PRKCB: variants seen among roughly 807,000 people sequenced by gnomAD.
PRKCB encodes protein kinase C beta.
In PRKCB, 13 loss-of-function variants were observed where a neutral mutation model predicts 81.5. That is an observed-to-expected ratio of 0.16 (90% CI 0.10 to 0.25). The LOEUF is 0.25. Among genes scored for constraint, PRKCB ranks in the 10% least tolerant of loss-of-function variants. The pLI is 1.00. For missense variants in PRKCB, 509 were observed against 875.7 expected (o/e 0.58, Z 5.29); for synonymous variants, 335 against 321.4 (o/e 1.04, Z -0.45).
chr16:23,925,345 C>T (rs759841702), intron 2 of PRKCB, among the ~76,000 whole-genome samples: 1 of 152,060 alleles, frequency 6.6e-6, no homozygotes, highest in Non-Finnish European at 1.5e-5. Flanking sequence ...GCAGGACTTG[C>T]CCATTGGGGC....
chr16:24,045,476 C>T (rs6497714), intron 5 of PRKCB, among the ~76,000 whole-genome samples: 26,369 of 152,172 alleles, frequency 0.17, 2,621 homozygotes, highest in African/African-American at 0.27. Flanking sequence ...CTGTGCCTCT[C>T]GCCTGGCAGG....
intron 5 of PRKCB, among the ~76,000 whole-genome samples, chr16:24,079,454 C>A (rs1401434657): frequency 6.6e-6 from 1 of 152,160 alleles, no homozygotes; most frequent in East Asian, 1.9e-4. Flanking sequence ...ACAATGATTT[C>A]TTTCTCTCAG....
chr16:24,192,372 A>G (rs564356771), intron 16 of PRKCB, among the ~76,000 whole-genome samples: 2 of 152,328 alleles, frequency 1.3e-5, no homozygotes, highest in East Asian at 3.9e-4. Context: ...TCCTTAAGAT[A>G]ACATCTGTGT....
intron 10 of PRKCB, among the ~76,000 whole-genome samples, chr16:24,169,095 A>T (rs1967397785): frequency 6.6e-6 from 1 of 152,048 alleles, no homozygotes. Flanking sequence ...CTCATTTTAT[A>T]AATGAAGATA....
At chr16:24,209,265 A>G (rs1309639032) in intron 16 of PRKCB, among the ~76,000 whole-genome samples, 1 of 152,110 alleles carries the variant, frequency 6.6e-6, no homozygotes, top group Non-Finnish European at 1.5e-5. Flanking sequence ...ATGCCATACC[A>G]GCAGTCCCTG....
chr16:23,990,384 G>T (rs1036558334), intron 3 of PRKCB, among the ~76,000 whole-genome samples: 1 of 151,854 alleles, frequency 6.6e-6, no homozygotes, highest in African/African-American at 2.4e-5. Flanking sequence ...CGTGAACCTG[G>T]GAGGCAGAGC....
At position 24,035,564 on chromosome 16, in the gene PRKCB, C is replaced by T; in HGVS notation, c.529+17C>T. 1 of 1,610,992 alleles carries T rather than the reference C, an allele frequency of 6.2e-7. No homozygotes were observed. The highest frequency in any genetic ancestry group is 1.1e-5 in the South Asian group (1 of 90,616). ...TTGTCCTCGGTAGGTGGCCCTGGGG[C>T]TCCACTGGCTCCTGACCTTGCTTGA... On this transcript the variant is annotated intron_variant, in intron 5 of 16. Coordinates refer to ENST00000643927, the MANE Select transcript of PRKCB (RefSeq NM_002738.7).
At position 24,181,644 on chromosome 16, in the gene PRKCB, G is replaced by A. The variant is rs916531722; in HGVS notation, c.1533+716G>A. ...TAGCCGGGTGTGGTGGCACATGCCTGTAGTCCCAGCTACTTGGGAGGCTGA... is the reference window on the plus strand; with the variant it reads ...TAGCCGGGTGTGGTGGCACATGCCTATAGTCCCAGCTACTTGGGAGGCTGA... On this transcript the variant is annotated intron_variant, in intron 13 of 16. Transcript: ENST00000643927. Among the ~76,000 whole-genome samples, 4 of 151,974 alleles carry A rather than the reference G, an allele frequency of 2.6e-5. No homozygotes were observed. In the South Asian group the frequency reaches 8.3e-4, roughly 32 times the overall value.
intron 2 of PRKCB, among the ~76,000 whole-genome samples, chr16:23,971,320 G>T (rs1964553169): frequency 6.6e-6 from 1 of 152,156 alleles, no homozygotes; most frequent in Non-Finnish European, 1.5e-5. Flanking sequence ...TTGGGGTTTG[G>T]TTTACAAGTG....
chr16:24,125,256 T>C (rs574047872), intron 9 of PRKCB, among the ~76,000 whole-genome samples: 1 of 152,358 alleles, frequency 6.6e-6, no homozygotes, highest in South Asian at 2.1e-4. Context: ...CCAATGACTT[T>C]CCATCCAATT....
chr16:24,010,360 A>G (rs1275688378), intron 3 of PRKCB, among the ~76,000 whole-genome samples: 2 of 152,218 alleles, frequency 1.3e-5, no homozygotes, highest in Non-Finnish European at 2.9e-5. Flanking sequence ...AAGAATTACA[A>G]CTGTGGTGTA....
intron 2 of PRKCB, among the ~76,000 whole-genome samples, chr16:23,953,407 G>A (rs911281825): frequency 6.6e-6 from 1 of 152,160 alleles, no homozygotes; most frequent in Non-Finnish European, 1.5e-5. Flanking sequence ...CAGGTTAGCC[G>A]GGCATCAGCT....
chr16:24,140,986 G>A (rs997807249), intron 9 of PRKCB, among the ~76,000 whole-genome samples: 10 of 152,146 alleles, frequency 6.6e-5, no homozygotes, highest in Non-Finnish European at 1.5e-4. Context: ...GCAAGATGAG[G>A]ATTGGTTAGA....
At chr16:23,953,342 G>A (rs918628848) in intron 2 of PRKCB, among the ~76,000 whole-genome samples, 1 of 152,280 alleles carries the variant, frequency 6.6e-6, no homozygotes, top group East Asian at 1.9e-4. Flanking sequence ...TTGAAAATGT[G>A]CACAATCTGG....
chr16:23,980,851 A>T (rs917819013), intron 2 of PRKCB, among the ~76,000 whole-genome samples: 1 of 151,684 alleles, frequency 6.6e-6, no homozygotes, highest in African/African-American at 2.4e-5. Context: ...CAATGAGTAA[A>T]TTTTAGTGGT....
chr16:24,010,634 G>A (rs1965190595), intron 3 of PRKCB, among the ~76,000 whole-genome samples: 1 of 152,144 alleles, frequency 6.6e-6, no homozygotes, highest in African/African-American at 2.4e-5. Context: ...TCCTTAGTTA[G>A]GAGTCAGTGG....
intron 2 of PRKCB, among the ~76,000 whole-genome samples, chr16:23,898,838 T>G (rs1286303618): frequency 6.6e-6 from 1 of 152,204 alleles, no homozygotes; most frequent in East Asian, 1.9e-4. Flanking sequence ...TGTGTGGTTT[T>G]GATCAAATCA....
At chr16:23,860,338 GAA>G (rs1396873004) in intron 2 of PRKCB, among the ~76,000 whole-genome samples, 2 of 152,146 alleles carry the variant, frequency 1.3e-5, no homozygotes, top group African/African-American at 2.4e-5. Context: ...AATACAAGAA[GAA>G]GAGAAAGCTT....
chr16:24,150,810 A>G (rs1967069150), intron 9 of PRKCB, among the ~76,000 whole-genome samples: 1 of 152,174 alleles, frequency 6.6e-6, no homozygotes, highest in African/African-American at 2.4e-5. Flanking sequence ...CTTTATAGAG[A>G]AAGTGTCCTG....
Sources: gnomAD v4.1 joint callset for allele counts (sites outside exome capture counted in the v4.1 genomes callset) on GRCh38, gnomAD v4.1.1 for gene constraint, MANE v1.5 for transcripts, NCBI Gene and HGNC (gene_info 2026-07-23, HGNC 2026-07-21) for gene names.